The following FRMPD4 variants were observed in gnomAD, a reference collection of about 807,000 sequenced individuals.
FRMPD4 encodes the protein FERM and PDZ domain-containing protein 4.
In FRMPD4, 22 loss-of-function variants were observed where a neutral mutation model predicts 94.1. That is an observed-to-expected ratio of 0.23 (90% confidence interval 0.17 to 0.33). The LOEUF (loss-of-function observed/expected upper bound fraction) is 0.33, where lower values mean the gene tolerates loss of function less well. Among genes scored for constraint, FRMPD4 ranks in the 10% least tolerant of loss-of-function variants. FRMPD4 has a pLI of 1.00. For synonymous variants in FRMPD4, 631 were observed against 548.6 expected, an observed-to-expected ratio of 1.15 and a Z score of -2.10; for missense variants, 1,111 against 1,339.9, an observed-to-expected ratio of 0.83 and a Z score of 2.67.
chrX:12,011,963 C>G (rs1426421342), intron 3 of FRMPD4, among the ~76,000 whole-genome samples: 5 of 107,242 alleles, frequency 4.7e-5, no homozygotes, highest in African/African-American at 1.7e-4. Flanking sequence ...TGCAGTGGCG[C>G]GATCTCAACT....
intron 2 of FRMPD4, among the ~76,000 whole-genome samples, chrX:12,540,576 C>A (rs2058397041): frequency 1.8e-5 from 2 of 111,610 alleles, no homozygotes. Flanking sequence ...ACAGGAGCAC[C>A]CAGATTCATA....
intron 3 of FRMPD4, among the ~76,000 whole-genome samples, chrX:12,074,556 C>A (rs774563434): frequency 1.8e-5 from 2 of 111,866 alleles, no homozygotes; most frequent in African/African-American, 6.5e-5. Context: ...AGGTAACTTT[C>A]TTGGTTCCCT....
chrX:11,890,842 C>T (rs1427050204), intron 3 of FRMPD4, among the ~76,000 whole-genome samples: 1 of 112,297 alleles, frequency 8.9e-6, no homozygotes, highest in African/African-American at 3.2e-5. Flanking sequence ...TAGAGGGGAG[C>T]CATGGCATGT....
At chrX:12,332,032 A>G (rs189606752) in intron 1 of FRMPD4, among the ~76,000 whole-genome samples, 9 of 68,967 alleles carry the variant, frequency 1.3e-4, no homozygotes, top group African/African-American at 6.1e-4. Flanking sequence ...AATTATATAT[A>G]TTTATATACT....
chrX:12,322,641 A>G (rs1014282984), intron 1 of FRMPD4, among the ~76,000 whole-genome samples: 3 of 110,620 alleles, frequency 2.7e-5, no homozygotes, highest in African/African-American at 9.9e-5. Flanking sequence ...GTGATGGGAA[A>G]CCTGTGCTGC....
intron 2 of FRMPD4, among the ~76,000 whole-genome samples, chrX:12,605,261 G>A (rs964631706): frequency 8.9e-6 from 1 of 112,173 alleles, no homozygotes; most frequent in Non-Finnish European, 1.9e-5. Context: ...GGACACATCA[G>A]GACACGAGAA....
chrX:12,456,834 T>C (rs1212707467), intron 1 of FRMPD4, among the ~76,000 whole-genome samples: 1 of 112,789 alleles, frequency 8.9e-6, no homozygotes, highest in Non-Finnish European at 1.9e-5. Flanking sequence ...AGCTTCCTAC[T>C]ATTTAGATTG....
At chrX:12,100,172 T>C (rs2147508290) in intron 3 of FRMPD4, among the ~76,000 whole-genome samples, 1 of 112,333 alleles carries the variant, frequency 8.9e-6, no homozygotes, top group East Asian at 2.8e-4. Flanking sequence ...TGGTGGAACT[T>C]AGAGTTAGTA....
At chrX:12,397,782 G>T (rs779029921) in intron 1 of FRMPD4, among the ~76,000 whole-genome samples, 1 of 111,037 alleles carries the variant, frequency 9.0e-6, no homozygotes, top group Non-Finnish European at 1.9e-5. Context: ...CAGAAAAGCC[G>T]CAAGCCCTAT....
intron 1 of FRMPD4, among the ~76,000 whole-genome samples, chrX:11,855,023 C>A (rs188270617): frequency 7.9e-4 from 88 of 112,027 alleles, no homozygotes; most frequent in African/African-American, 2.6e-3. Flanking sequence ...CCGGGCATTT[C>A]CATATATCCT....
chrX:12,678,796 C>A (rs188270218), intron 5 of FRMPD4, among the ~76,000 whole-genome samples: 2 of 112,045 alleles, frequency 1.8e-5, no homozygotes, highest in African/African-American at 6.5e-5. Context: ...TTGCACTCCA[C>A]CCTGGGCAAC....
At chrX:12,092,494 C>T (rs948862094) in intron 3 of FRMPD4, among the ~76,000 whole-genome samples, 3 of 111,302 alleles carry the variant, frequency 2.7e-5, no homozygotes, top group African/African-American at 9.8e-5. Context: ...TGAGATGGAG[C>T]TCCCATTGTC....
chrX:12,619,686 T>G (rs1435675192), intron 4 of FRMPD4, among the ~76,000 whole-genome samples: 2 of 112,052 alleles, frequency 1.8e-5, no homozygotes, highest in African/African-American at 6.5e-5. Flanking sequence ...ATACCTACCT[T>G]GGCCTTGGGT....
At chrX:12,365,387 A>G (rs955708721) in intron 1 of FRMPD4, among the ~76,000 whole-genome samples, 8 of 111,433 alleles carry the variant, frequency 7.2e-5, no homozygotes, top group Non-Finnish European at 1.3e-4. Context: ...GGTTTGAGAA[A>G]AGGCTTTGCA....
intron 4 of FRMPD4, among the ~76,000 whole-genome samples, chrX:12,616,861 C>T (rs1186257064): frequency 9.0e-6 from 1 of 111,676 alleles, no homozygotes; most frequent in Non-Finnish European, 1.9e-5. Flanking sequence ...GTGCGCACCT[C>T]TGTGATTAGT....
intron 3 of FRMPD4, among the ~76,000 whole-genome samples, chrX:11,990,834 A>G (rs1364651348): frequency 8.9e-6 from 1 of 112,017 alleles, no homozygotes; most frequent in African/African-American, 3.2e-5. Context: ...AGGGCTTTAC[A>G]GAGCCGCAAG....
chrX:12,332,545 C>T (rs1222863206), intron 1 of FRMPD4, among the ~76,000 whole-genome samples: 3 of 110,200 alleles, frequency 2.7e-5, no homozygotes, highest in African/African-American at 9.9e-5. Context: ...TGATTAAATG[C>T]ATGGTGTTTT....
chrX:12,109,666 T>G (rs1006998088), intron 3 of FRMPD4, among the ~76,000 whole-genome samples: 1 of 111,194 alleles, frequency 9.0e-6, no homozygotes, highest in African/African-American at 3.3e-5. Context: ...ACAAAATTGA[T>G]AGACCGCTAG....
At chrX:12,404,719 A>T (rs2056647909) in intron 1 of FRMPD4, among the ~76,000 whole-genome samples, 1 of 111,734 alleles carries the variant, frequency 8.9e-6, no homozygotes, top group African/African-American at 3.2e-5. Context: ...CCAGCAAATA[A>T]TCTATGGGGT....
Sources: allele counts gnomAD v4.1 joint callset (sites outside exome capture counted in the v4.1 genomes callset), GRCh38; gene constraint gnomAD v4.1.1; transcripts MANE v1.5; gene names NCBI Gene and HGNC (gene_info 2026-07-23, HGNC 2026-07-21).